Variants in SRGAP1 observed in about 807,000 individuals in gnomAD.
SRGAP1 encodes SLIT-ROBO Rho GTPase-activating protein 1.
SRGAP1 carries 43 observed loss-of-function variants against 121.9 expected under a neutral mutation model. The ratio of observed to expected loss-of-function variants is 0.35; its 90% confidence interval spans 0.28 to 0.46. The LOEUF (loss-of-function observed/expected upper bound fraction) is 0.46. SRGAP1 is among the 20% of genes least tolerant of loss of function. The probability of loss-of-function intolerance (pLI) is 1.00; values close to 1 mark genes in which losing one functional copy is unlikely to be tolerated. For missense variants in SRGAP1, 1,102 were observed against 1,350.9 expected (o/e 0.82, Z 2.89); for synonymous variants, 447 against 485.4 (o/e 0.92, Z 1.04).
intron 1 of SRGAP1, among the ~76,000 whole-genome samples, chr12:63,893,758 A>G (rs914519734): frequency 8.5e-5 from 13 of 152,178 alleles, no homozygotes; most frequent in Admixed American, 3.3e-4. Flanking sequence ...AATATCCACT[A>G]TTTGTCAGAG....
chr12:64,000,415 C>A (rs746227926), intron 3 of SRGAP1, among the ~76,000 whole-genome samples: 1 of 151,830 alleles, frequency 6.6e-6, no homozygotes, highest in African/African-American at 2.4e-5. Context: ...TCAAGACCAG[C>A]GTGGGCAACA....
Position 64,151,665 on chromosome 12 carries a change from T to C in SRGAP1, c.*8993T>C, listed in dbSNP as rs889369873. ...AAACATGGTCATGTTTCTTTACCAG[T>C]GTACTAGGTGAGTGATAGGCTCAAT... is the stretch of plus-strand genomic sequence containing the variant. On this transcript the variant is annotated 3_prime_UTR_variant, in exon 22 of 22. Transcript: ENST00000355086. 1.3e-5 allele frequency: 2 copies of C among 152,184 alleles called. No individual in the cohort carries two copies. Among genetic ancestry groups the C allele is most frequent in the East Asian group, 3.8e-4 (2 of 5,200 alleles). The allele number at this position is 152,184 out of a possible 1,614,324, so 9.4% of individuals were successfully genotyped here.
chr12:64,092,380 C>T (rs890522368), intron 12 of SRGAP1, among the ~76,000 whole-genome samples: 6 of 152,020 alleles, frequency 3.9e-5, no homozygotes, highest in East Asian at 1.9e-4. Context: ...ATATTACAGA[C>T]GTCTTACTTT....
chr12:64,009,208 A>G (rs1338487792), intron 3 of SRGAP1, among the ~76,000 whole-genome samples: 1 of 152,206 alleles, frequency 6.6e-6, no homozygotes, highest in African/African-American at 2.4e-5. Flanking sequence ...TTAGTTAATT[A>G]TAGTCTGAAA....
chr12:64,050,864 G>GGTAC (rs2136518113), intron 6 of SRGAP1, among the ~76,000 whole-genome samples: 1 of 152,258 alleles, frequency 6.6e-6, no homozygotes, highest in African/African-American at 2.4e-5. Flanking sequence ...TGGGATTACA[G>GGTAC]GTACGGACCA....
At chr12:63,942,566 G>A (rs1029174969) in intron 1 of SRGAP1, among the ~76,000 whole-genome samples, 3 of 152,114 alleles carry the variant, frequency 2.0e-5, no homozygotes, top group South Asian at 2.1e-4. Flanking sequence ...TGCCTCCACC[G>A]GTCTAGATCT....
At chr12:64,023,287 A>G (rs2034590374) in intron 4 of SRGAP1, among the ~76,000 whole-genome samples, 1 of 151,974 alleles carries the variant, frequency 6.6e-6, no homozygotes, top group Non-Finnish European at 1.5e-5. Context: ...CTGTGATCGA[A>G]GAAGTGGAAA....
intron 4 of SRGAP1, among the ~76,000 whole-genome samples, chr12:64,036,360 A>G (rs905760798): frequency 4.6e-5 from 7 of 152,132 alleles, no homozygotes; most frequent in Admixed American, 1.3e-4. Context: ...AGGCTGTGGT[A>G]TTACCCCAGT....
chr12:63,886,802 A>C (rs1900401351), intron 1 of SRGAP1, among the ~76,000 whole-genome samples: 1 of 151,276 alleles, frequency 6.6e-6, no homozygotes, highest in African/African-American at 2.4e-5. Flanking sequence ...TTTTTTTGTT[A>C]CTGAATTTAA....
intron 1 of SRGAP1, among the ~76,000 whole-genome samples, chr12:63,962,774 T>C (rs376181332): frequency 6.6e-6 from 1 of 152,146 alleles, no homozygotes; most frequent in African/African-American, 2.4e-5. Context: ...CATTGTCCAA[T>C]ATGGCAGCTA....
chr12:63,863,885 T>C (rs968357586), intron 1 of SRGAP1, among the ~76,000 whole-genome samples: 8 of 152,150 alleles, frequency 5.3e-5, no homozygotes, highest in African/African-American at 1.9e-4. Context: ...AAGTGATGTA[T>C]AGAAAATGGA....
intron 4 of SRGAP1, among the ~76,000 whole-genome samples, chr12:64,036,764 G>A (rs1288397161): frequency 6.6e-6 from 1 of 152,192 alleles, no homozygotes; most frequent in Non-Finnish European, 1.5e-5. Context: ...CATTGTAGAT[G>A]TTTAATAAAT....
rs1404045182 is a variant in SRGAP1, at chr12:63,863,266, CT to C, written c.67+18392del. On this transcript the variant is annotated intron_variant, in intron 1 of 21. Coordinates refer to ENST00000355086, the MANE Select transcript of SRGAP1 (RefSeq NM_020762.4). ...TGGTTGCTCTTTTCAAAAGGTTGCT[CT>C]TTTTTTTTCTTTTTTTTTTTTTTGA... Among the ~76,000 whole-genome samples, 722 of 140,318 alleles carry C rather than the reference CT, an allele frequency of 5.1e-3. 11 individuals carry two copies. Among genetic ancestry groups the C allele is most frequent in the African/African-American group, 0.019 (689 of 36,470 alleles). 92.1% of individuals were successfully genotyped at this position (140,318 alleles called of 152,430 possible).
intron 1 of SRGAP1, among the ~76,000 whole-genome samples, chr12:63,862,366 A>T (rs553099121): frequency 7.2e-5 from 11 of 152,230 alleles, no homozygotes; most frequent in Admixed American, 1.3e-4. Flanking sequence ...ACTTGGCACA[A>T]GACGAGCATT....
At chr12:64,016,744 T>G (rs1036174160) in intron 3 of SRGAP1, among the ~76,000 whole-genome samples, 2 of 152,148 alleles carry the variant, frequency 1.3e-5, no homozygotes, top group Non-Finnish European at 2.9e-5. Flanking sequence ...CGTTCACCCA[T>G]GGTTGTCACT....
At chr12:64,119,493 A>G (rs373412702) in intron 18 of SRGAP1, among the ~76,000 whole-genome samples, 4 of 152,132 alleles carry the variant, frequency 2.6e-5, no homozygotes, top group Admixed American at 6.6e-5. Flanking sequence ...ACAATATTCA[A>G]TATTCCAGTC....
intron 10 of SRGAP1, chr12:64,081,405 A>G (rs1263332216): frequency 6.6e-6 from 1 of 152,122 alleles, no homozygotes; most frequent in South Asian, 2.1e-4. Context: ...CCACATGGAG[A>G]AAGGTTATCA....
intron 8 of SRGAP1, among the ~76,000 whole-genome samples, chr12:64,077,070 T>A (rs1184169762): frequency 6.6e-6 from 1 of 152,228 alleles, no homozygotes; most frequent in African/African-American, 2.4e-5. Flanking sequence ...ATATATTTTT[T>A]AAATCCTTAC....
At chr12:64,052,949 C>G (rs2035265651) in intron 6 of SRGAP1, among the ~76,000 whole-genome samples, 1 of 152,102 alleles carries the variant, frequency 6.6e-6, no homozygotes, top group Non-Finnish European at 1.5e-5. Context: ...CACCTAATAG[C>G]AATTTTGTTT....
Sources: gnomAD v4.1 joint callset for allele counts (sites outside exome capture counted in the v4.1 genomes callset) on GRCh38, gnomAD v4.1.1 for gene constraint, MANE v1.5 for transcripts, NCBI Gene and HGNC (gene_info 2026-07-23, HGNC 2026-07-21) for gene names.